The following ARHGEF11 variants were observed in gnomAD, a reference collection of about 807,000 sequenced individuals.
The protein encoded by ARHGEF11 is Rho guanine exchange factor (GEF) 11.
In ARHGEF11, 55 loss-of-function variants were observed where a neutral mutation model predicts 193.7. The observed-to-expected ratio is 0.28, with a 90% CI of 0.23 to 0.36. ARHGEF11 has a LOEUF of 0.36. Ranked by LOEUF, ARHGEF11 falls within the 10% of genes least tolerant of loss-of-function variation. The pLI, the probability that ARHGEF11 is intolerant of heterozygous loss-of-function variation, is 1.00. For synonymous variants in ARHGEF11, 693 were observed against 768.0 expected, an observed-to-expected ratio of 0.90 and a Z score of 1.62; for missense variants, 1,723 against 2,005.6, an observed-to-expected ratio of 0.86 and a Z score of 2.69.
chr1:157,001,010 C>T (rs1667146920), intron 1 of ARHGEF11, among the ~76,000 whole-genome samples: 1 of 152,174 alleles, frequency 6.6e-6, no homozygotes, highest in Non-Finnish European at 1.5e-5. Context: ...TCCTGTTCTA[C>T]CCTTCGAAAA....
intron 3 of ARHGEF11, 119 bp from the exon 4 acceptor site, chr1:156,980,605 C>G: frequency 8.6e-7 from 1 of 1,164,076 alleles, no homozygotes; most frequent in South Asian, 1.4e-5. Flanking sequence ...TGTTAAGTAT[C>G]TCAAATTCTG....
intron 1 of ARHGEF11, among the ~76,000 whole-genome samples, chr1:156,999,548 C>A (rs900478195): frequency 2.6e-5 from 4 of 152,150 alleles, no homozygotes; most frequent in Middle Eastern, 6.3e-3. Flanking sequence ...AAAGGGAGGG[C>A]AGGCCACAGC....
At chr1:157,026,851 A>G (rs1049038019) in intron 1 of ARHGEF11, among the ~76,000 whole-genome samples, 18 of 152,234 alleles carry the variant, frequency 1.2e-4, no homozygotes, top group African/African-American at 4.1e-4. Flanking sequence ...ATCAGTGTCT[A>G]TCAATCTTTA....
At chr1:157,031,367 A>C (rs2103006535) in intron 1 of ARHGEF11, among the ~76,000 whole-genome samples, 1 of 152,194 alleles carries the variant, frequency 6.6e-6, no homozygotes, top group East Asian at 1.9e-4. Context: ...GAGTTCCAGC[A>C]GAAGTGTAGC....
rs549601021 is a variant in ARHGEF11 at position 156,937,079 on chromosome 1, G to A, written c.4441-74C>T. The A allele has an allele frequency of 2.7e-4, 421 of 1,576,044 alleles. 2 individuals are homozygous for A. Among genetic ancestry groups the A allele is most frequent in the Non-Finnish European group, 3.6e-4 (413 of 1,159,490 alleles). ...GGCCCCTGGGGAAGGGGTCTGTGCT[G>A]GGCCTTGGGGAGGAGGGTGTGATTT... On this transcript the variant is annotated intron_variant, in intron 39 of 40. Coordinates refer to ENST00000368194, the MANE Select transcript of ARHGEF11 (RefSeq NM_198236.3).
intron 20 of ARHGEF11, among the ~76,000 whole-genome samples, chr1:156,955,418 T>C (rs1659807157): frequency 6.6e-6 from 1 of 152,196 alleles, no homozygotes; most frequent in South Asian, 2.1e-4. Context: ...AGGGCGATCC[T>C]TGCCGAGGGG....
At position 157,045,147 on chromosome 1, in the gene ARHGEF11, T is replaced by C. The variant is rs1019276959; in HGVS notation, c.-817A>G. The stretch of plus-strand genomic sequence containing the variant: ...ATGCTTTTTACCTTTAAGATGGTAG[T>C]AATGATAACAAACCAGAGATAATCT... On this transcript the variant is annotated 5_prime_UTR_variant, in exon 1 of 41. Transcript: ENST00000368194. 1 of 152,210 alleles carries C rather than the reference T, an allele frequency of 6.6e-6. No individual in the cohort carries two copies. The highest frequency in any genetic ancestry group is 6.5e-5 in the Admixed American group (1 of 15,276). 9.4% of individuals were successfully genotyped at this position (152,210 alleles called of 1,614,324 possible).
chr1:156,958,160 T>C (rs1660241641), intron 17 of ARHGEF11, among the ~76,000 whole-genome samples: 1 of 152,192 alleles, frequency 6.6e-6, no homozygotes, highest in Non-Finnish European at 1.5e-5. Context: ...GGGCAAAAAA[T>C]TGCTTCTAAG....
Position 156,947,849 on chromosome 1 carries a change from T to C in ARHGEF11, c.2261A>G (p.Gln754Arg), listed in dbSNP as rs752905374. 1.9e-6 allele frequency: 3 copies of C among 1,614,150 alleles called. No homozygotes were observed. Among genetic ancestry groups the C allele is most frequent in the Non-Finnish European group, 2.5e-6 (3 of 1,180,016 alleles). Residue 754 changes from glutamine (Q) to arginine (R), a missense_variant, in exon 25 of 41, where the codon CAA becomes CGA. By Grantham distance (43) the Gln-to-Arg change is conservative. This residue lies in a region of ARHGEF11 where 491 missense variants were observed against 654.5 expected (regional missense o/e 0.75). Coordinates refer to ENST00000368194, the MANE Select transcript of ARHGEF11 (RefSeq NM_198236.3). ...LSDLEPEPDA[Q>R]NWQHTVGKDV... ...CTTGCCCACTGTATGCTGCCAATTTTGGGCATCTGGCTCTGGCTCCAGGTC... is the reference window on the plus strand; with the variant it reads ...CTTGCCCACTGTATGCTGCCAATTTCGGGCATCTGGCTCTGGCTCCAGGTC...
intron 1 of ARHGEF11, among the ~76,000 whole-genome samples, chr1:157,023,632 G>A (rs1025973322): frequency 1.3e-5 from 2 of 152,124 alleles, no homozygotes; most frequent in African/African-American, 4.8e-5. Context: ...CAGACGCAGT[G>A]GCATGCGCCT....
At chr1:157,040,371 G>A (rs1022754532) in intron 1 of ARHGEF11, among the ~76,000 whole-genome samples, 5 of 152,152 alleles carry the variant, frequency 3.3e-5, no homozygotes, top group East Asian at 1.9e-4. Context: ...GCCAAGGTGC[G>A]AAGAGACCCC....
chr1:157,046,250 C>T (rs1673318158), upstream of ARHGEF11, among the ~76,000 whole-genome samples: 1 of 151,468 alleles, frequency 6.6e-6, no homozygotes, highest in Non-Finnish European at 1.5e-5. Context: ...GCCACCGCCA[C>T]CCCTGCCGCC....
At chr1:156,978,161 A>T (rs12141806) in intron 6 of ARHGEF11, 43 bp downstream of exon 6, 267,490 of 1,611,782 alleles carry the variant, frequency 0.17, 23,322 homozygotes, top group East Asian at 0.35. Context: ...GAGCTTTTCA[A>T]CAGGACATTA....
chr1:156,973,248 C>T (rs1039813632), intron 7 of ARHGEF11, among the ~76,000 whole-genome samples: 2 of 152,190 alleles, frequency 1.3e-5, no homozygotes, highest in Admixed American at 6.5e-5. Context: ...TGTTTCAAAA[C>T]ATTAGTCTAC....
chr1:156,954,845 A>T lies in ARHGEF11; in HGVS notation c.1798+47T>A, dbSNP rs1477676510. 4 of 1,514,778 alleles carry T rather than the reference A, an allele frequency of 2.6e-6. No homozygotes were observed. The East Asian group carries it at 9.0e-5, about 34-fold the overall frequency. The allele number at this position is 1,514,778 out of a possible 1,614,324, so 93.8% of individuals were successfully genotyped here. A position where few individuals can be genotyped will look rare whatever the true frequency, so the allele number is the denominator to read the frequency against. On this transcript the variant is annotated intron_variant, in intron 21 of 40. Coordinates refer to ENST00000368194, the MANE Select transcript of ARHGEF11 (RefSeq NM_198236.3). ...AAAAGACAAGATTTGGGAGATGGAA[A>T]CTCAATGCTAATGCAAAGACAAACC... is the stretch of plus-strand genomic sequence containing the variant.
At chr1:157,041,306 T>C (rs926229009) in intron 1 of ARHGEF11, among the ~76,000 whole-genome samples, 7 of 152,178 alleles carry the variant, frequency 4.6e-5, no homozygotes, top group Non-Finnish European at 7.3e-5. Flanking sequence ...AAGTTGCCCA[T>C]GGACAAAAAC....
At chr1:157,025,615 T>A (rs1251273854) in intron 1 of ARHGEF11, among the ~76,000 whole-genome samples, 1 of 152,158 alleles carries the variant, frequency 6.6e-6, no homozygotes, top group African/African-American at 2.4e-5. Flanking sequence ...TATAAAGGGC[T>A]CTCCGTGAGA....
At position 156,980,843 on chromosome 1, in the gene ARHGEF11, G is replaced by T. The variant is rs917200169; in HGVS notation, c.224-357C>A. ...AAATCAGTTATATTCCGGGGGGGGG[G>T]GGGGAAATGAGTTTACTGTATGAAA... On this transcript the variant is annotated intron_variant, in intron 3 of 40. Transcript: ENST00000368194. Among the ~76,000 whole-genome samples, 5 of 116,422 alleles carry T rather than the reference G, an allele frequency of 4.3e-5. 1 individual carries two copies. The highest frequency in any genetic ancestry group is 5.7e-4 in the East Asian group (2 of 3,490). The allele number at this position is 116,422 out of a possible 152,430, so 76.4% of individuals were successfully genotyped here.
At chr1:156,941,584 G>A in intron 34 of ARHGEF11, 151 bp from the exon 35 acceptor site, 2 of 927,132 alleles carry the variant, frequency 2.2e-6, no homozygotes, top group Non-Finnish European at 1.7e-6. Context: ...GAGGGGGGCT[G>A]CTAGCTGAGC....
Sources: allele counts gnomAD v4.1 joint callset (sites outside exome capture counted in the v4.1 genomes callset), GRCh38; gene constraint gnomAD v4.1.1; regional missense constraint gnomAD v4.1.1; transcripts MANE v1.5; gene names NCBI Gene and HGNC (gene_info 2026-07-23, HGNC 2026-07-21).